Variants in PTPRD observed in about 807,000 individuals in gnomAD.
The protein encoded by PTPRD is protein tyrosine phosphatase receptor type D.
PTPRD carries 34 observed loss-of-function variants against 214.5 expected under a neutral mutation model. The ratio of observed to expected loss-of-function variants is 0.16; its 90% CI spans 0.12 to 0.21. PTPRD has a LOEUF of 0.21. Among genes scored for constraint, PTPRD ranks in the 10% least tolerant of loss-of-function variants. PTPRD has a pLI of 1.00. For synonymous variants in PTPRD, 1,128 were observed against 845.7 expected, an observed-to-expected ratio of 1.33 and a Z score of -5.79; for missense variants, 2,545 against 2,398.7, an observed-to-expected ratio of 1.06 and a Z score of -1.27.
chr9:10,118,867 AAAATAAATAAATAAAT>A (rs144204787), intron 3 of PTPRD, among the ~76,000 whole-genome samples: 1 of 143,660 alleles, frequency 7.0e-6, no homozygotes, highest in Non-Finnish European at 1.5e-5. Flanking sequence ...AAATACACCA[AAAATAAATAAATAAAT>A]AAATAAATAA....
At chr9:9,539,943 TG>T (rs1481984489) in intron 8 of PTPRD, among the ~76,000 whole-genome samples, 1 of 151,842 alleles carries the variant, frequency 6.6e-6, no homozygotes, top group Non-Finnish European at 1.5e-5. Flanking sequence ...TATTCCTTAA[TG>T]GGGGAATAGA....
chr9:9,760,583 C>T (rs1021408888), intron 6 of PTPRD, among the ~76,000 whole-genome samples: 2 of 142,122 alleles, frequency 1.4e-5, no homozygotes, highest in African/African-American at 5.1e-5. Context: ...TCCCCATCAT[C>T]TTTACTCAGC....
intron 11 of PTPRD, among the ~76,000 whole-genome samples, chr9:8,940,446 C>CTTTTTTTTTTTTTTT (rs34288443): frequency 1.1e-3 from 102 of 94,998 alleles, no homozygotes; most frequent in Middle Eastern, 0.011. Flanking sequence ...CCACTCCCAG[C>CTTTTTTTTTTTTTTT]TTTTTTTTTT....
chr9:10,290,803 G>A (rs1296875244), intron 3 of PTPRD, among the ~76,000 whole-genome samples: 1 of 151,906 alleles, frequency 6.6e-6, no homozygotes, highest in Non-Finnish European at 1.5e-5. Context: ...TTGTTATTTG[G>A]GAGGAATTAT....
At chr9:9,728,213 G>C (rs140547380) in intron 7 of PTPRD, among the ~76,000 whole-genome samples, 2 of 151,974 alleles carry the variant, frequency 1.3e-5, no homozygotes, top group Non-Finnish European at 2.9e-5. Flanking sequence ...CCTCTTTTTC[G>C]TTATAAATTA....
intron 9 of PTPRD, among the ~76,000 whole-genome samples, chr9:9,244,275 G>A (rs1313998702): frequency 2.6e-5 from 4 of 151,944 alleles, no homozygotes; most frequent in Admixed American, 6.6e-5. Flanking sequence ...TCACAGAATT[G>A]GAAAAAACTA....
At chr9:10,294,567 A>T (rs2095621849) in intron 3 of PTPRD, among the ~76,000 whole-genome samples, 1 of 151,918 alleles carries the variant, frequency 6.6e-6, no homozygotes, top group African/African-American at 2.4e-5. Flanking sequence ...ATTTGTTTTG[A>T]TTTTATGCAT....
chr9:8,872,283 C>G lies in PTPRD; in HGVS notation c.-103-138337G>C, dbSNP rs1034518350. Among the ~76,000 whole-genome samples the G allele has an allele frequency of 5.9e-5, 9 of 152,178 alleles. No individual in the cohort carries two copies. In the South Asian group the frequency reaches 1.9e-3, roughly 32 times the overall value. ...ATTATCTTTGTGCTAGCAGAGAGAT[C>G]AGCAAGTCTGTCTCCTTTACTCTGG... On this transcript the variant is annotated intron_variant, in intron 11 of 45. Coordinates refer to ENST00000381196, the MANE Select transcript of PTPRD (RefSeq NM_002839.4).
At chr9:8,526,509 A>G in intron 17 of PTPRD, 118 bp downstream of exon 17, 1 of 861,778 alleles carries the variant, frequency 1.2e-6, no homozygotes. Context: ...TACAAAGAAA[A>G]AAAAAAAGTT....
intron 11 of PTPRD, among the ~76,000 whole-genome samples, chr9:8,977,666 T>A (rs1216705528): frequency 1.1e-4 from 2 of 17,716 alleles, no homozygotes; most frequent in Admixed American, 4.4e-4. Flanking sequence ...ACAAGGAGAA[T>A]TTTTTTTTTT....
intron 10 of PTPRD, among the ~76,000 whole-genome samples, chr9:9,140,726 C>A (rs1011100838): frequency 1.3e-5 from 2 of 152,130 alleles, no homozygotes; most frequent in Non-Finnish European, 2.9e-5. Context: ...CTACAGGTGC[C>A]CGCCACCACG....
At chr9:10,612,221 A>G (rs530395145) in intron 2 of PTPRD, among the ~76,000 whole-genome samples, 177 bp downstream of exon 2, 7 of 151,874 alleles carry the variant, frequency 4.6e-5, no homozygotes, top group South Asian at 2.1e-4. Context: ...AAAAAAAAAA[A>G]AAAGAAAAAA....
chr9:8,910,096 T>A (rs1057455317), intron 11 of PTPRD, among the ~76,000 whole-genome samples: 1 of 152,060 alleles, frequency 6.6e-6, no homozygotes. Flanking sequence ...TGGAGTGCAG[T>A]GGCTCAATCT....
At chr9:9,712,398 A>T (rs1008287357) in intron 7 of PTPRD, among the ~76,000 whole-genome samples, 6 of 135,828 alleles carry the variant, frequency 4.4e-5, no homozygotes, top group Admixed American at 7.7e-5. Context: ...TAATTTAATT[A>T]AAAAAAATTA....
At chr9:9,713,433 A>G (rs878983004) in intron 7 of PTPRD, among the ~76,000 whole-genome samples, 2 of 152,224 alleles carry the variant, frequency 1.3e-5, no homozygotes, top group African/African-American at 4.8e-5. Context: ...AATGTGAGCC[A>G]TAATTTTGTC....
At chr9:9,848,316 A>G (rs1038679711) in intron 5 of PTPRD, among the ~76,000 whole-genome samples, 1 of 152,152 alleles carries the variant, frequency 6.6e-6, no homozygotes, top group Non-Finnish European at 1.5e-5. Context: ...GGGGGTTGTA[A>G]ATAAAGAAAC....
At chr9:9,673,255 C>T (rs2096864598) in intron 7 of PTPRD, among the ~76,000 whole-genome samples, 1 of 151,768 alleles carries the variant, frequency 6.6e-6, no homozygotes, top group Non-Finnish European at 1.5e-5. Context: ...TTCATTATTC[C>T]ACCATTGAAC....
intron 14 of PTPRD, among the ~76,000 whole-genome samples, chr9:8,567,838 A>G (rs7029767): frequency 0.081 from 12,356 of 152,182 alleles, 1,702 homozygotes; most frequent in African/African-American, 0.28. Flanking sequence ...TATTCATGGA[A>G]TCAGGATCAA....
chr9:9,898,490 C>G (rs1200889278), intron 5 of PTPRD, among the ~76,000 whole-genome samples: 1 of 151,948 alleles, frequency 6.6e-6, no homozygotes, highest in Admixed American at 6.6e-5. Flanking sequence ...GAGAAAGATA[C>G]CGCATCAAGG....
Sources: allele counts gnomAD v4.1 joint callset (sites outside exome capture counted in the v4.1 genomes callset), GRCh38; gene constraint gnomAD v4.1.1; transcripts MANE v1.5; gene names NCBI Gene and HGNC (gene_info 2026-07-23, HGNC 2026-07-21).